Variants in PACSIN2 observed in about 807,000 individuals in gnomAD.
The protein encoded by PACSIN2 is protein kinase C and casein kinase substrate in neurons 2.
Under a neutral mutation model 63.8 loss-of-function variants are expected in PACSIN2, and 25 were observed. The observed-to-expected ratio is 0.39, with a 90% CI of 0.29 to 0.55. The LOEUF is 0.55. PACSIN2 is among the 20% of genes least tolerant of loss of function. The pLI is 0.62. For synonymous variants in PACSIN2, 255 were observed against 256.2 expected (o/e 1.00, Z 0.05); for missense variants, 518 against 646.9 (o/e 0.80, Z 2.16).
At chr22:43,008,597 T>C (rs1006458379) in intron 1 of PACSIN2, among the ~76,000 whole-genome samples, 6 of 152,208 alleles carry the variant, frequency 3.9e-5, no homozygotes, top group African/African-American at 1.4e-4. Context: ...TAGCTCAGAA[T>C]GTGTACTCTT....
At chr22:42,957,401 T>C (rs1008849175) in intron 1 of PACSIN2, among the ~76,000 whole-genome samples, 1 of 147,980 alleles carries the variant, frequency 6.8e-6, no homozygotes, top group African/African-American at 2.4e-5. Flanking sequence ...ATAAGCGCTA[T>C]CCTGTGAACC....
chr22:42,886,415 T>TGTATGTAG (rs1929482246), intron 5 of PACSIN2, among the ~76,000 whole-genome samples: 3 of 144,986 alleles, frequency 2.1e-5, no homozygotes, highest in Admixed American at 1.4e-4. Context: ...ATGGTATGTA[T>TGTATGTAG]GTAGGTAGGT....
intron 1 of PACSIN2, among the ~76,000 whole-genome samples, chr22:43,010,400 T>A (rs146586771): frequency 0.027 from 1,201 of 43,884 alleles, 50 homozygotes; most frequent in East Asian, 0.12. Flanking sequence ...ATATATATAT[T>A]TTTTTTTAAT....
chr22:42,914,303 G>A (rs1364744144), intron 1 of PACSIN2, among the ~76,000 whole-genome samples: 1 of 152,194 alleles, frequency 6.6e-6, no homozygotes, highest in Non-Finnish European at 1.5e-5. Flanking sequence ...TGCAATCTCA[G>A]CTCACTAAAA....
rs1933555197 is a variant in PACSIN2 at position 42,948,954 on chromosome 22, T to C, written c.-77-36797A>G. Among the ~76,000 whole-genome samples the C allele has an allele frequency of 1.3e-5, 2 of 152,176 alleles. 1 individual carries two copies. Among genetic ancestry groups the C allele is most frequent in the South Asian group, 4.1e-4 (2 of 4,830 alleles). On this transcript the variant is annotated intron_variant, in intron 1 of 10. Coordinates refer to ENST00000263246, the MANE Select transcript of PACSIN2 (RefSeq NM_001184970.3). ...TTGTCAGGCAACAATCTGAAACTAA[T>C]AGGCTTAAATCAAGCATAAAATTAA...
At chr22:42,960,596 G>A (rs886223135) in intron 1 of PACSIN2, among the ~76,000 whole-genome samples, 1 of 152,170 alleles carries the variant, frequency 6.6e-6, no homozygotes, top group Non-Finnish European at 1.5e-5. Flanking sequence ...AGGAGAGAAA[G>A]ATTTTAAAAT....
intron 4 of PACSIN2, among the ~76,000 whole-genome samples, 166 bp from the exon 5 acceptor site, chr22:42,888,964 C>G (rs1346272772): frequency 6.6e-6 from 1 of 152,208 alleles, no homozygotes; most frequent in Non-Finnish European, 1.5e-5. Context: ...GGAACGCACT[C>G]AACACATATT....
rs1239866921 is a variant in PACSIN2, at chr22:42,884,578, G to A, written c.610-17C>T. The A allele has an allele frequency of 1.9e-6, 3 of 1,608,524 alleles. No individual in the cohort carries two copies. The highest frequency in any genetic ancestry group is 2.2e-5 in the South Asian group (2 of 90,622). The stretch of plus-strand genomic sequence containing the variant: ...CTCTTTGGTCTAAAGGAAAATCCAG[G>A]CACAAGACAGAGGTTCATTTCCATT... On this transcript the variant is annotated splice_polypyrimidine_tract_variant and intron_variant, in intron 5 of 10. Coordinates refer to ENST00000263246, the MANE Select transcript of PACSIN2 (RefSeq NM_001184970.3).
chr22:42,967,501 A>G (rs1215653283), intron 1 of PACSIN2, among the ~76,000 whole-genome samples: 1 of 152,222 alleles, frequency 6.6e-6, no homozygotes, highest in East Asian at 1.9e-4. Context: ...GCCTTAAACT[A>G]AAGATCTTTA....
chr22:42,924,998 C>T (rs1046455742), intron 1 of PACSIN2, among the ~76,000 whole-genome samples: 11 of 151,664 alleles, frequency 7.3e-5, no homozygotes, highest in African/African-American at 9.7e-5. Context: ...ACCTCGTGAT[C>T]GGCCCAAAGT....
intron 1 of PACSIN2, among the ~76,000 whole-genome samples, chr22:42,917,931 A>C (rs1261528829): frequency 3.9e-5 from 6 of 152,110 alleles, no homozygotes; most frequent in Non-Finnish European, 8.8e-5. Flanking sequence ...GCTATGCTCT[A>C]TCTTTTTATG....
At chr22:42,964,968 T>TC (rs1920940811) in intron 1 of PACSIN2, among the ~76,000 whole-genome samples, 1 of 152,338 alleles carries the variant, frequency 6.6e-6, no homozygotes, top group Non-Finnish European at 1.5e-5. Flanking sequence ...TCTGCCTTCC[T>TC]CATATGCTGC....
intron 1 of PACSIN2, among the ~76,000 whole-genome samples, chr22:42,964,790 T>C (rs1920939488): frequency 6.6e-6 from 1 of 151,602 alleles, no homozygotes; most frequent in Admixed American, 6.6e-5. Context: ...AATTTGTAAC[T>C]CCCCATCTCC....
chr22:42,903,277 C>A (rs1396444981), intron 2 of PACSIN2, among the ~76,000 whole-genome samples: 1 of 152,216 alleles, frequency 6.6e-6, no homozygotes, highest in Non-Finnish European at 1.5e-5. Context: ...GTGTGCCTGG[C>A]AGATGTTGTA....
chr22:42,876,946 C>T lies in PACSIN2; in HGVS notation c.1093G>A (p.Glu365Lys), dbSNP rs1353316171. 5.0e-6 allele frequency: 8 copies of T among 1,614,018 alleles called. No individual in the cohort carries two copies. The highest frequency in any genetic ancestry group is 5.9e-6 in the Non-Finnish European group (7 of 1,180,024). Residue 365 changes from glutamate to lysine, a missense_variant, in exon 9 of 11, where the codon GAG (glutamate) becomes AAG (lysine). Glu to Lys is a moderately conservative substitution (Grantham distance 56). This residue lies in a region of PACSIN2 where 507 missense variants were observed against 612.3 expected (regional missense o/e 0.83). Transcript: ENST00000263246. ...AQSQSSYNPF[E>K]DEDDTGSTVS... ...GTGCTGCCCGTGTCGTCCTCATCCT[C>T]GAAGGGGTTGTAGCTGGACTGTGAC...
chr22:42,979,684 C>T (rs1006848646), intron 1 of PACSIN2, among the ~76,000 whole-genome samples: 1 of 152,140 alleles, frequency 6.6e-6, no homozygotes, highest in Non-Finnish European at 1.5e-5. Flanking sequence ...GGAGTATATG[C>T]TCTGTCTTAA....
chr22:42,896,866 A>G (rs11913561), intron 2 of PACSIN2, among the ~76,000 whole-genome samples: 4,744 of 152,320 alleles, frequency 0.031, 101 homozygotes, highest in African/African-American at 0.048. Context: ...GCATCTTTCT[A>G]AAGTCTAATA....
intron 1 of PACSIN2, among the ~76,000 whole-genome samples, chr22:43,012,651 T>A (rs888770368): frequency 4.0e-5 from 6 of 151,506 alleles, no homozygotes; most frequent in Non-Finnish European, 5.9e-5. Flanking sequence ...TACGCCAGAC[T>A]AATTTTTTTT....
chr22:42,949,058 G>A (rs968780483), intron 1 of PACSIN2, among the ~76,000 whole-genome samples: 3 of 152,234 alleles, frequency 2.0e-5, no homozygotes, highest in Middle Eastern at 3.4e-3. Flanking sequence ...TTTGGGAGGT[G>A]GAGGTGGAAG....
Sources: gnomAD v4.1 joint callset for allele counts (sites outside exome capture counted in the v4.1 genomes callset) on GRCh38, gnomAD v4.1.1 for gene constraint, gnomAD v4.1.1 regional missense constraint, MANE v1.5 for transcripts, NCBI Gene and HGNC (gene_info 2026-07-23, HGNC 2026-07-21) for gene names.